TNS3: variants seen among roughly 807,000 people sequenced by gnomAD.
The protein encoded by TNS3 is tensin-3.
TNS3 carries 45 observed loss-of-function variants against 140.9 expected under a neutral mutation model. The ratio of observed to expected loss-of-function variants is 0.32; its 90% CI spans 0.25 to 0.41. The LOEUF (loss-of-function observed/expected upper bound fraction) is 0.41. Among genes scored for constraint, TNS3 ranks in the 10% least tolerant of loss-of-function variants. The pLI is 1.00. For missense variants in TNS3, 1,716 were observed against 1,906.7 expected, an observed-to-expected ratio of 0.90 and a Z score of 1.86; for synonymous variants, 815 against 788.4, an observed-to-expected ratio of 1.03 and a Z score of -0.56.
intron 17 of TNS3, among the ~76,000 whole-genome samples, chr7:47,356,247 A>G (rs1789989754): frequency 6.6e-6 from 1 of 152,218 alleles, no homozygotes; most frequent in Admixed American, 6.5e-5. Flanking sequence ...TTTTATCACT[A>G]AAATCCTAAA....
chr7:47,411,485 C>T (rs1434062104), intron 13 of TNS3, among the ~76,000 whole-genome samples: 1 of 152,166 alleles, frequency 6.6e-6, no homozygotes, highest in African/African-American at 2.4e-5. Flanking sequence ...GCTGATCTGA[C>T]GGGAGGCTCA....
intron 20 of TNS3, among the ~76,000 whole-genome samples, chr7:47,343,134 A>G (rs1450891014): frequency 6.6e-6 from 1 of 152,184 alleles, no homozygotes; most frequent in East Asian, 1.9e-4. Context: ...CTGGAATCTA[A>G]CACATGCTGG....
At chr7:47,503,380 C>T (rs1306848607) in intron 3 of TNS3, among the ~76,000 whole-genome samples, 1 of 151,968 alleles carries the variant, frequency 6.6e-6, no homozygotes, top group Non-Finnish European at 1.5e-5. Context: ...CCCCTTCTCC[C>T]CTCCCCAACA....
intron 20 of TNS3, among the ~76,000 whole-genome samples, chr7:47,336,253 G>A (rs191713234): frequency 4.6e-5 from 7 of 151,370 alleles, no homozygotes; most frequent in Admixed American, 3.3e-4. Flanking sequence ...GCTTGGGGCC[G>A]ATGGAGGGGT....
intron 13 of TNS3, among the ~76,000 whole-genome samples, chr7:47,410,925 TG>T (rs1443542936): frequency 6.6e-6 from 1 of 152,266 alleles, no homozygotes; most frequent in East Asian, 1.9e-4. Context: ...AAAAATGTAA[TG>T]GCTAATCTCC....
chr7:47,296,259 C>T (rs1046722126), intron 24 of TNS3, among the ~76,000 whole-genome samples: 1 of 152,144 alleles, frequency 6.6e-6, no homozygotes, highest in African/African-American at 2.4e-5. Flanking sequence ...AAAGCCAGAA[C>T]TTCCAAAGAG....
At chr7:47,335,500 C>T (rs1476638143) in intron 20 of TNS3, among the ~76,000 whole-genome samples, 1 of 152,208 alleles carries the variant, frequency 6.6e-6, no homozygotes, top group Admixed American at 6.5e-5. Context: ...GGAGTAGGTG[C>T]TGGCATTTAA....
chr7:47,381,571 GA>G, intron 16 of TNS3, among the ~76,000 whole-genome samples: 1 of 152,254 alleles, frequency 6.6e-6, no homozygotes, highest in Non-Finnish European at 1.5e-5. Flanking sequence ...CAGCACAATG[GA>G]AACCCTTTTA....
intron 1 of TNS3, chr7:47,579,050 C>T (rs1332928529): frequency 2.0e-5 from 3 of 152,312 alleles, no homozygotes; most frequent in Non-Finnish European, 4.4e-5. Flanking sequence ...GCAACACGCC[C>T]TTCACTGTGG....
intron 4 of TNS3, among the ~76,000 whole-genome samples, chr7:47,454,489 C>G (rs1328468659): frequency 6.6e-6 from 1 of 152,186 alleles, no homozygotes; most frequent in Non-Finnish European, 1.5e-5. Flanking sequence ...CTCAAGGCAC[C>G]AAGCCCAAGC....
chr7:47,291,873 CTGAAG>C, intron 27 of TNS3, 77 bp downstream of exon 27: 2 of 1,440,548 alleles, frequency 1.4e-6, no homozygotes, highest in Non-Finnish European at 1.9e-6. Context: ...AACCTGAATA[CTGAAG>C]TGCAAAAGGA....
intron 4 of TNS3, among the ~76,000 whole-genome samples, chr7:47,450,294 G>C (rs193301124): frequency 6.6e-6 from 1 of 152,204 alleles, no homozygotes; most frequent in Non-Finnish European, 1.5e-5. Flanking sequence ...AGTGACATCT[G>C]CTCCTTCCCA....
At chr7:47,552,568 T>C (rs1320574719) in intron 1 of TNS3, among the ~76,000 whole-genome samples, 2 of 152,228 alleles carry the variant, frequency 1.3e-5, no homozygotes, top group East Asian at 3.8e-4. Flanking sequence ...CATGGTTATT[T>C]GTGATCTGTG....
chr7:47,303,260 C>G lies in TNS3; in HGVS notation c.3147G>C (p.Pro1049=), dbSNP rs373883298. The G allele has an allele frequency of 2.2e-4, 350 of 1,613,652 alleles. No individual in the cohort carries two copies. The African/African-American group carries it at 4.1e-3, about 19-fold the overall frequency. The change falls in exon 22 of 31, where the codon CCG becomes CCC. Residue 1049 remains proline (P), a synonymous_variant. Transcript: ENST00000311160. ...ALLANSHGAS[P]TPSIPLTATG... ...TCGCTGTCAGCGGGATGCTGGGGGT[C>G]GGTGACGCTCCATGAGAATTGGCCA...
chr7:47,422,256 A>C lies in TNS3; in HGVS notation c.473+1845T>G, dbSNP rs1251488576. 3.3e-5 allele frequency among the ~76,000 whole-genome samples: 5 copies of C among 152,338 alleles called. No individual in the cohort carries two copies. The South Asian group carries it at 8.3e-4, about 25-fold the overall frequency. ...AAATTGAATCCAGCAAGCATTAAAA[A>C]ATGCAAATGTTCTGGCTTCAAATGT... On this transcript the variant is annotated intron_variant, in intron 10 of 30. Transcript: ENST00000311160.
intron 20 of TNS3, among the ~76,000 whole-genome samples, chr7:47,344,189 A>T (rs1292441314): frequency 6.6e-6 from 1 of 152,148 alleles, no homozygotes; most frequent in Non-Finnish European, 1.5e-5. Context: ...CACCCAGAAG[A>T]AGTGCACAGT....
At chr7:47,530,838 A>ATACATATATATATAT (rs1554350246) in intron 1 of TNS3, among the ~76,000 whole-genome samples, 1 of 54,566 alleles carries the variant, frequency 1.8e-5, no homozygotes, top group Non-Finnish European at 3.3e-5. Flanking sequence ...AAAAAAAAAA[A>ATACATATATATATAT]ATATATATAT....
In TNS3 at chr7:47,522,223, C is replaced by G. The variant is rs145944109; in HGVS notation, c.-153+6813G>C. Among the ~76,000 whole-genome samples, 66 of 152,342 alleles carry G rather than the reference C, an allele frequency of 4.3e-4. No homozygotes were observed. The East Asian group carries it at 0.012, about 28-fold the overall frequency. On this transcript the variant is annotated intron_variant, in intron 2 of 30. Transcript: ENST00000311160. ...CTTGCATTAAGTTAGAAAACTAAAGCCTCTGTGCATCAGCAGCCTTTGCAG... is the reference window on the plus strand; with the variant it reads ...CTTGCATTAAGTTAGAAAACTAAAGGCTCTGTGCATCAGCAGCCTTTGCAG...
chr7:47,278,045 C>T lies in TNS3; in HGVS notation c.*31G>A. 6.2e-7 allele frequency: 1 copy of T among 1,613,842 alleles called. No homozygotes were observed. The highest frequency in any genetic ancestry group is 1.1e-5 in the South Asian group (1 of 91,020). ...CGGCTGTCTCCAGGGCTTCGAGAGG[C>T]ATCGGTGGGTCCAGGGAGGGAGGGG... On this transcript the variant is annotated 3_prime_UTR_variant, in exon 31 of 31. Transcript: ENST00000311160.
Sources: allele counts gnomAD v4.1 joint callset (sites outside exome capture counted in the v4.1 genomes callset), GRCh38; gene constraint gnomAD v4.1.1; transcripts MANE v1.5; gene names NCBI Gene and HGNC (gene_info 2026-07-23, HGNC 2026-07-21).